The following TMEM114 variants were observed in gnomAD, a reference collection of about 807,000 sequenced individuals.
TMEM114 encodes the protein claudin-26.
A neutral mutation model predicts 6.2 loss-of-function variants in TMEM114; 6 were observed. The ratio of observed to expected loss-of-function variants is 0.97; its 90% CI spans 0.53 to 1.91. The LOEUF is 1.91. Among genes scored for constraint, TMEM114 ranks in the 40% most tolerant of loss-of-function variants. The probability of loss-of-function intolerance (pLI) is 0.01; values close to 1 mark genes in which losing one functional copy is unlikely to be tolerated. For synonymous variants in TMEM114, 104 were observed against 73.0 expected, an observed-to-expected ratio of 1.42 and a Z score of -2.16; for missense variants, 218 against 158.3, an observed-to-expected ratio of 1.38 and a Z score of -2.02.
intron 2 of TMEM114, among the ~76,000 whole-genome samples, chr16:8,544,189 C>A (rs1310281882): frequency 2.6e-5 from 4 of 152,154 alleles, no homozygotes; most frequent in African/African-American, 7.2e-5. Context: ...CTGCAAAGAC[C>A]AAGTAAAGCA....
At chr16:8,546,447 C>G (rs933608433) in intron 2 of TMEM114, among the ~76,000 whole-genome samples, 1 of 152,096 alleles carries the variant, frequency 6.6e-6, no homozygotes, top group African/African-American at 2.4e-5. Flanking sequence ...AACCCTGACC[C>G]AAAAATCTGC....
chr16:8,541,573 C>A (rs1900516792), intron 2 of TMEM114, among the ~76,000 whole-genome samples: 1 of 152,098 alleles, frequency 6.6e-6, no homozygotes, highest in Non-Finnish European at 1.5e-5. Context: ...CATGAAGCTT[C>A]ATTCCAGTCC....
the TMEM114 span, among the ~76,000 whole-genome samples, chr16:8,530,356 TCA>T: frequency 2.0e-5 from 3 of 152,156 alleles, no homozygotes; most frequent in Non-Finnish European, 4.4e-5. Flanking sequence ...CGTGACCCTT[TCA>T]GTCTCTGGGT....
Position 8,569,533 on chromosome 16 carries a change from G to C in TMEM114, c.*240C>G, listed in dbSNP as rs1289026215. Reference sequence around the variant, plus strand: ...AAGGATCGTTTTTATTTCTCGCGAAGCGGTTTGGCACTCCCTCGGGCTCCT... The same window carrying C: ...AAGGATCGTTTTTATTTCTCGCGAACCGGTTTGGCACTCCCTCGGGCTCCT... On this transcript the variant is annotated 3_prime_UTR_variant, in exon 4 of 4. Transcript: ENST00000620492. 1.4e-6 allele frequency: 2 copies of C among 1,394,830 alleles called. No homozygotes were observed. The highest frequency in any genetic ancestry group is 2.9e-5 in the African/African-American group (2 of 69,068). 86.4% of individuals were successfully genotyped at this position (1,394,830 alleles called of 1,614,324 possible).
intron 2 of TMEM114, among the ~76,000 whole-genome samples, chr16:8,574,582 C>CTTCTTTCT (rs60193962): frequency 0.37 from 52,921 of 142,408 alleles, 11,244 homozygotes; most frequent in African/African-American, 0.59. Context: ...TCCTTCCTTC[C>CTTCTTTCT]TTCTTTCTTT....
intron 2 of TMEM114, among the ~76,000 whole-genome samples, chr16:8,548,165 T>G (rs917817696): frequency 6.1e-4 from 93 of 152,298 alleles, no homozygotes; most frequent in African/African-American, 1.9e-3. Flanking sequence ...CTCCCGCCCC[T>G]ATTAACGGTG....
At chr16:8,551,770 C>G (rs1290315114) in intron 2 of TMEM114, among the ~76,000 whole-genome samples, 1 of 152,200 alleles carries the variant, frequency 6.6e-6, no homozygotes, top group Admixed American at 6.5e-5. Context: ...TTTCATTAAA[C>G]TTCTCCATTC....
At chr16:8,538,481 G>C (rs946750497) in intron 2 of TMEM114, among the ~76,000 whole-genome samples, 3 of 151,118 alleles carry the variant, frequency 2.0e-5, no homozygotes, top group Admixed American at 6.6e-5. Context: ...AAGAATGTGT[G>C]TGCTGTGGTT....
chr16:8,529,450 G>A, the TMEM114 span, among the ~76,000 whole-genome samples: 1 of 152,206 alleles, frequency 6.6e-6, no homozygotes, highest in Non-Finnish European at 1.5e-5. Context: ...ATTTGTTGAA[G>A]AGAATTGAAT....
chr16:8,565,882 C>T (rs1451363683), downstream of TMEM114, among the ~76,000 whole-genome samples: 3 of 152,176 alleles, frequency 2.0e-5, no homozygotes, highest in Admixed American at 6.5e-5. Context: ...AGGACCCCCA[C>T]GTGATGCTAA....
chr16:8,554,988 T>C (rs1900961240), intron 2 of TMEM114, among the ~76,000 whole-genome samples: 3 of 152,214 alleles, frequency 2.0e-5, no homozygotes, highest in Admixed American at 6.5e-5. Flanking sequence ...GTCTCATAGA[T>C]GGCTGGAAGT....
At chr16:8,539,151 T>C (rs1900446304) in intron 2 of TMEM114, among the ~76,000 whole-genome samples, 1 of 152,172 alleles carries the variant, frequency 6.6e-6, no homozygotes, top group African/African-American at 2.4e-5. Context: ...CCATGGAACA[T>C]GTGACCCATA....
At chr16:8,563,769 GTGAGTGAATGAC>G (rs1394752997) in intron 2 of TMEM114, among the ~76,000 whole-genome samples, 12 of 148,624 alleles carry the variant, frequency 8.1e-5, no homozygotes, top group African/African-American at 2.5e-4. Context: ...GAGGGAATGA[GTGAGTGAATGAC>G]TGAGTGAGTA....
chr16:8,578,443 A>G (rs771229290), intron 2 of TMEM114, among the ~76,000 whole-genome samples: 1 of 152,078 alleles, frequency 6.6e-6, no homozygotes, highest in Non-Finnish European at 1.5e-5. Context: ...CCCTTCTCAT[A>G]AGGACATTTG....
chr16:8,551,028 G>A (rs1342628423), intron 2 of TMEM114, among the ~76,000 whole-genome samples: 1 of 152,180 alleles, frequency 6.6e-6, no homozygotes, highest in African/African-American at 2.4e-5. Flanking sequence ...GTCTAGCAAA[G>A]GTGACAGAGG....
chr16:8,571,493 G>T (rs1901730816), intron 3 of TMEM114, among the ~76,000 whole-genome samples: 1 of 152,136 alleles, frequency 6.6e-6, no homozygotes, highest in Non-Finnish European at 1.5e-5. Flanking sequence ...ATAGGCTGTT[G>T]TTAACTGCTG....
At chr16:8,546,914 T>G (rs1354805848) in intron 2 of TMEM114, among the ~76,000 whole-genome samples, 1 of 152,214 alleles carries the variant, frequency 6.6e-6, no homozygotes, top group African/African-American at 2.4e-5. Flanking sequence ...TGTTCTTATT[T>G]GGTTGGGCTG....
intron 2 of TMEM114, among the ~76,000 whole-genome samples, chr16:8,553,627 C>A (rs532788330): frequency 2.0e-5 from 3 of 151,942 alleles, no homozygotes; most frequent in Non-Finnish European, 4.4e-5. Flanking sequence ...CTGGGACTGC[C>A]GGCGCCTGCC....
intron 2 of TMEM114, among the ~76,000 whole-genome samples, chr16:8,558,816 C>G (rs768691442): frequency 1.2e-4 from 18 of 151,842 alleles, no homozygotes; most frequent in Non-Finnish European, 1.8e-4. Flanking sequence ...TCTCGGCTCA[C>G]TGCAACCCCT....
Sources: allele counts gnomAD v4.1 joint callset (sites outside exome capture counted in the v4.1 genomes callset), GRCh38; gene constraint gnomAD v4.1.1; transcripts MANE v1.5; gene names NCBI Gene and HGNC (gene_info 2026-07-23, HGNC 2026-07-21).